FBN2: variants seen among roughly 807,000 people sequenced by gnomAD.
The protein encoded by FBN2 is fibrillin 2.
Under a neutral mutation model 355.6 loss-of-function variants are expected in FBN2, and 105 were observed. The observed-to-expected ratio is 0.30, with a 90% CI of 0.25 to 0.35. The LOEUF (loss-of-function observed/expected upper bound fraction) is 0.35, where lower values mean the gene tolerates loss of function less well. FBN2 is among the 10% of genes least tolerant of loss of function. The pLI is 1.00. For missense variants in FBN2, 3,280 were observed against 3,758.7 expected (o/e 0.87, Z 3.33); for synonymous variants, 1,350 against 1,301.2 (o/e 1.04, Z -0.81).
In FBN2 at chr5:128,305,567, C is replaced by CT. The variant is rs1561760194; in HGVS notation, c.5617dup (p.Ser1873LysfsTer5). The stretch of plus-strand genomic sequence containing the variant: ...ACCCGCGGCACATTCACAGCGGTAA[C>CT]TACCAGGACTATTGATGCAGTCTGC... On this transcript the variant is annotated frameshift_variant, in exon 44 of 65. Coordinates refer to ENST00000262464, the MANE Select transcript of FBN2 (RefSeq NM_001999.4). LOFTEE classifies it high-confidence loss of function. 1 of 1,614,052 alleles carries CT rather than the reference C, an allele frequency of 6.2e-7. No individual in the cohort carries two copies. The highest frequency in any genetic ancestry group is 8.5e-7 in the Non-Finnish European group (1 of 1,179,940).
chr5:128,362,627 C>T (rs936962838), intron 18 of FBN2, among the ~76,000 whole-genome samples: 1 of 152,070 alleles, frequency 6.6e-6, no homozygotes, highest in Non-Finnish European at 1.5e-5. Flanking sequence ...CACGCCTGGC[C>T]AACTTAAAAC....
chr5:128,335,368 T>C (rs1750807461), intron 29 of FBN2, 73 bp from the exon 30 acceptor site: 6 of 1,612,756 alleles, frequency 3.7e-6, no homozygotes, highest in Admixed American at 3.3e-5. Context: ...TTGTTTTCTA[T>C]CTGGTTCCAC....
chr5:128,463,604 A>T (rs2127082406), intron 6 of FBN2, among the ~76,000 whole-genome samples: 1 of 152,346 alleles, frequency 6.6e-6, no homozygotes, highest in East Asian at 1.9e-4. Context: ...TGCTGCTGTC[A>T]GGGACACATT....
chr5:128,486,330 A>G (rs1376604586), intron 5 of FBN2, among the ~76,000 whole-genome samples: 3 of 152,212 alleles, frequency 2.0e-5, no homozygotes, highest in Non-Finnish European at 4.4e-5. Flanking sequence ...ACACAATATG[A>G]CAAACTTCCA....
In FBN2 at chr5:128,289,906, G is replaced by A. The variant is rs1402802262; in HGVS notation, c.6487C>T (p.Pro2163Ser). ...DLCPYGHGTV[P>S]SLHDTREDVN... is the part of the protein sequence containing the mutation. ...CCTTCACGTGTATCATGAAGACTAGGGACAGTTCCATGGCCATATGGACAC... is the reference window on the plus strand; with the variant it reads ...CCTTCACGTGTATCATGAAGACTAGAGACAGTTCCATGGCCATATGGACAC... Residue 2163 changes from proline (P) to serine (S), a missense_variant, in exon 51 of 65, where the codon CCT (proline) becomes TCT (serine). Pro to Ser is a moderately conservative substitution (Grantham distance 74, BLOSUM62 -1). Around this residue, in one of 6 missense-constraint regions of FBN2, gnomAD observed 2,284 missense variants for 2,749.5 expected, o/e 0.83. Transcript: ENST00000262464. The A allele has an allele frequency of 2.5e-6, 4 of 1,602,802 alleles. No individual in the cohort carries two copies. Among genetic ancestry groups the A allele is most frequent in the African/African-American group, 2.7e-5 (2 of 74,760 alleles).
At chr5:128,503,879 G>A (rs1471447573) in intron 5 of FBN2, among the ~76,000 whole-genome samples, 1 of 152,126 alleles carries the variant, frequency 6.6e-6, no homozygotes, top group African/African-American at 2.4e-5. Context: ...CTTCATGGCA[G>A]CCCCTTCCAT....
chr5:128,327,871 C>T (rs1214838811), intron 34 of FBN2, among the ~76,000 whole-genome samples: 3 of 152,194 alleles, frequency 2.0e-5, no homozygotes, highest in African/African-American at 7.2e-5. Context: ...CTCCCAACCT[C>T]AGGTGATCCA....
At chr5:128,329,017 G>T (rs1017002973) in intron 33 of FBN2, among the ~76,000 whole-genome samples, 196 bp from the exon 34 acceptor site, 33 of 152,048 alleles carry the variant, frequency 2.2e-4, no homozygotes, top group Admixed American at 2.0e-4. Context: ...ACATTCAATT[G>T]TAATATAATT....
At chr5:128,274,767 T>C (rs1765347746) in intron 59 of FBN2, 84 bp from the exon 60 acceptor site, 5 of 857,792 alleles carry the variant, frequency 5.8e-6, no homozygotes, top group African/African-American at 1.7e-5. Context: ...GAGATGCACA[T>C]GCTCCATTAG....
chr5:128,442,762 C>CACAT (rs954499521), intron 7 of FBN2, among the ~76,000 whole-genome samples: 11 of 151,948 alleles, frequency 7.2e-5, no homozygotes, highest in African/African-American at 2.2e-4. Context: ...ACAAACACAC[C>CACAT]ACATACATAC....
intron 2 of FBN2, among the ~76,000 whole-genome samples, chr5:128,532,744 T>G (rs1756740355): frequency 6.6e-6 from 1 of 152,216 alleles, no homozygotes; most frequent in Admixed American, 6.5e-5. Context: ...CATTAGTACT[T>G]CTTATAAATG....
intron 7 of FBN2, among the ~76,000 whole-genome samples, chr5:128,427,353 G>T (rs916620091): frequency 4.7e-5 from 7 of 150,120 alleles, no homozygotes; most frequent in African/African-American, 1.7e-4. Context: ...TGAGATTTTT[G>T]TTCTCTATAG....
At chr5:128,530,902 A>T (rs145348051) in intron 2 of FBN2, among the ~76,000 whole-genome samples, 2 of 152,304 alleles carry the variant, frequency 1.3e-5, no homozygotes, top group African/African-American at 4.8e-5. Flanking sequence ...GTGTAAACAA[A>T]TGAAGCTGTT....
intron 6 of FBN2, 25 bp downstream of exon 6, chr5:128,464,699 G>T: frequency 6.2e-7 from 1 of 1,608,240 alleles, no homozygotes. Context: ...CTGCGATGGT[G>T]TGCACAGGCA....
chr5:128,269,289 A>G lies in FBN2; in HGVS notation c.7960+2710T>C, dbSNP rs960031777. On this transcript the variant is annotated intron_variant, in intron 62 of 64. Transcript: ENST00000262464. ...AATAATAATAATAATAATAGTAATA[A>G]TAATAATAATAATAATAAACTAATA... 2.0e-5 allele frequency among the ~76,000 whole-genome samples: 3 copies of G among 148,020 alleles called. No individual in the cohort carries two copies. In the East Asian group the frequency reaches 5.9e-4, roughly 29 times the overall value.
At chr5:128,363,541 C>T (rs1217946624) in intron 18 of FBN2, among the ~76,000 whole-genome samples, 1 of 151,976 alleles carries the variant, frequency 6.6e-6, no homozygotes, top group Non-Finnish European at 1.5e-5. Context: ...GAATTGTGTC[C>T]CTTAAAAAAG....
chr5:128,427,785 C>T (rs776070816), intron 7 of FBN2, among the ~76,000 whole-genome samples: 3 of 152,152 alleles, frequency 2.0e-5, no homozygotes, highest in Admixed American at 6.5e-5. Context: ...GAGTCCGGGT[C>T]TGAAGCACGA....
chr5:128,528,620 G>C (rs1756629442), intron 3 of FBN2, among the ~76,000 whole-genome samples: 1 of 152,148 alleles, frequency 6.6e-6, no homozygotes, highest in South Asian at 2.1e-4. Context: ...TCTGAAGAAT[G>C]GAGAGATTCC....
At chr5:128,359,392 A>G (rs769256915) in intron 19 of FBN2, among the ~76,000 whole-genome samples, 11 of 152,222 alleles carry the variant, frequency 7.2e-5, no homozygotes, top group Middle Eastern at 3.4e-3. Context: ...TGAATGCAAC[A>G]GAGGAAATAA....
Sources: gnomAD v4.1 joint callset for allele counts (sites outside exome capture counted in the v4.1 genomes callset) on GRCh38, gnomAD v4.1.1 for gene constraint, gnomAD v4.1.1 regional missense constraint, MANE v1.5 for transcripts, NCBI Gene and HGNC (gene_info 2026-07-23, HGNC 2026-07-21) for gene names.